Variants in ESR1 observed in about 807,000 individuals in gnomAD.
The protein encoded by ESR1 is estrogen receptor.
ESR1 carries 12 observed loss-of-function variants against 52.7 expected under a neutral mutation model. That is an observed-to-expected ratio of 0.23 (90% CI 0.15 to 0.37). The LOEUF is 0.37. Among genes scored for constraint, ESR1 ranks in the 10% least tolerant of loss-of-function variants. The pLI is 1.00. For synonymous variants in ESR1, 305 were observed against 316.8 expected (o/e 0.96, Z 0.39); for missense variants, 584 against 779.7 (o/e 0.75, Z 2.99).
chr6:152,121,139 T>C (rs1404846548), intron 6 of ESR1, among the ~76,000 whole-genome samples: 1 of 152,192 alleles, frequency 6.6e-6, no homozygotes, highest in Non-Finnish European at 1.5e-5. Flanking sequence ...TATTAAATGA[T>C]ACATTAAAAT....
intron 2 of ESR1, among the ~76,000 whole-genome samples, chr6:151,798,139 G>A (rs867433836): frequency 1.3e-5 from 2 of 152,186 alleles, no homozygotes; most frequent in South Asian, 2.1e-4. Context: ...GTTGGAAAGG[G>A]AGGCTGAGAG....
chr6:152,120,456 C>T (rs1008913794), intron 6 of ESR1, among the ~76,000 whole-genome samples: 2 of 152,098 alleles, frequency 1.3e-5, no homozygotes, highest in Non-Finnish European at 2.9e-5. Flanking sequence ...GGGGGGCGAT[C>T]CATCGTGTTC....
intron 4 of ESR1, 83 bp downstream of exon 4, chr6:151,944,591 A>G (rs2035486869): frequency 1.6e-6 from 2 of 1,248,106 alleles, no homozygotes; most frequent in Admixed American, 3.5e-5. Context: ...AGTGGGGGAA[A>G]AAGAAGCAAT....
At chr6:152,125,453 A>AT in exon 7 of ESR1, 1 of 1,383,200 alleles carries the variant, frequency 7.2e-7, no homozygotes, top group Non-Finnish European at 9.6e-7. Flanking sequence ...GGGCAAGTAA[A>AT]TTAGTCTCTC....
intron 2 of ESR1, among the ~76,000 whole-genome samples, chr6:151,716,667 C>T (rs974332853): frequency 8.5e-5 from 13 of 152,146 alleles, no homozygotes; most frequent in East Asian, 1.9e-4. Flanking sequence ...TCAGTAATGG[C>T]GGATGCCCCT....
intron 5 of ESR1, among the ~76,000 whole-genome samples, chr6:152,031,259 G>C (rs1450432467): frequency 1.3e-5 from 2 of 152,126 alleles, no homozygotes; most frequent in Non-Finnish European, 2.9e-5. Flanking sequence ...ACGTTCAAAA[G>C]CTAGCAGAAG....
At chr6:151,883,895 A>G (rs1793389582) in intron 3 of ESR1, among the ~76,000 whole-genome samples, 1 of 152,108 alleles carries the variant, frequency 6.6e-6, no homozygotes, top group African/African-American at 2.4e-5. Context: ...CACCAGTCAT[A>G]TCGGATTAGG....
At chr6:151,734,388 G>A (rs1358871026) in intron 2 of ESR1, among the ~76,000 whole-genome samples, 2 of 152,162 alleles carry the variant, frequency 1.3e-5, no homozygotes, top group East Asian at 3.9e-4. Context: ...TTTGGAGCCT[G>A]TGCCACTGGC....
At chr6:151,706,679 A>C (rs1026835956) in intron 2 of ESR1, among the ~76,000 whole-genome samples, 5 of 152,232 alleles carry the variant, frequency 3.3e-5, no homozygotes, top group Non-Finnish European at 7.4e-5. Context: ...GCCCTTGCCT[A>C]GGGTTTCAGC....
chr6:151,983,193 C>T (rs9397463), intron 4 of ESR1, among the ~76,000 whole-genome samples: 23,748 of 151,932 alleles, frequency 0.16, 2,049 homozygotes, highest in African/African-American at 0.22. Flanking sequence ...CTGGAAGCTC[C>T]GGGAAGTTAA....
intron 2 of ESR1, among the ~76,000 whole-genome samples, chr6:151,770,066 C>T (rs1223673124): frequency 1.3e-5 from 2 of 150,228 alleles, no homozygotes; most frequent in Non-Finnish European, 3.0e-5. Flanking sequence ...ATGAGGAGAA[C>T]TCAAGTTATA....
At chr6:151,775,731 T>G (rs1184450673) in intron 2 of ESR1, among the ~76,000 whole-genome samples, 14 of 139,614 alleles carry the variant, frequency 1.0e-4, no homozygotes, top group African/African-American at 3.2e-4. Context: ...GGGTGACAAA[T>G]CGAGACTCCG....
intron 2 of ESR1, among the ~76,000 whole-genome samples, chr6:151,721,548 A>G (rs1251667294): frequency 6.6e-6 from 1 of 152,242 alleles, no homozygotes; most frequent in African/African-American, 2.4e-5. Context: ...AATTTTTGGT[A>G]GCAAAATCAG....
rs547416786 is a variant in ESR1 at position 151,809,339 on chromosome 6, ATT to A, written c.452+978_452+979del. ...TCTTTCTCCCTCTCCTCTCCCTCCC[ATT>A]TTCTCTTGCCCAGTTTCTCCTTTTG... On this transcript the variant is annotated intron_variant, in intron 1 of 7. Transcript: ENST00000206249. 544 of 265,162 alleles carry A rather than the reference ATT, an allele frequency of 2.1e-3. 3 individuals are homozygous for A. Among genetic ancestry groups the A allele is most frequent in the South Asian group, 6.5e-3 (186 of 28,568 alleles). The allele number at this position is 265,162 out of a possible 1,614,324, so 16.4% of individuals were successfully genotyped here. A position where few individuals can be genotyped will look rare whatever the true frequency, so the allele number is the denominator to read the frequency against.
At chr6:151,950,704 C>G (rs1562586315) in intron 4 of ESR1, among the ~76,000 whole-genome samples, 1 of 152,104 alleles carries the variant, frequency 6.6e-6, no homozygotes. Context: ...GGTTTACTGG[C>G]TAACATCGGA....
At chr6:151,836,763 GA>G (rs1783405064) in intron 1 of ESR1, among the ~76,000 whole-genome samples, 1 of 152,170 alleles carries the variant, frequency 6.6e-6, no homozygotes, top group Non-Finnish European at 1.5e-5. Flanking sequence ...TTGGGGACTT[GA>G]TTTGATGAGG....
chr6:151,923,429 T>G (rs1406852390), intron 3 of ESR1, among the ~76,000 whole-genome samples: 1 of 152,212 alleles, frequency 6.6e-6, no homozygotes, highest in African/African-American at 2.4e-5. Flanking sequence ...TTTCTATCGC[T>G]GTAGCATAGA....
At chr6:151,863,300 G>A (rs1338474565) in intron 2 of ESR1, among the ~76,000 whole-genome samples, 1 of 152,114 alleles carries the variant, frequency 6.6e-6, no homozygotes, top group Non-Finnish European at 1.5e-5. Context: ...CCATTTGTCT[G>A]TGTCCTCTTT....
chr6:152,024,012 T>C (rs1288019696), intron 5 of ESR1, among the ~76,000 whole-genome samples: 1 of 152,178 alleles, frequency 6.6e-6, no homozygotes, highest in Non-Finnish European at 1.5e-5. Flanking sequence ...CTTCTAGTAA[T>C]TTTTACCCTT....
Sources: allele counts gnomAD v4.1 joint callset (sites outside exome capture counted in the v4.1 genomes callset), GRCh38; gene constraint gnomAD v4.1.1; transcripts MANE v1.5; gene names NCBI Gene and HGNC (gene_info 2026-07-23, HGNC 2026-07-21).